TBC1D4: variants seen among roughly 807,000 people sequenced by gnomAD.
TBC1D4 encodes the protein TBC1 domain family member 4.
In TBC1D4, 121 loss-of-function variants were observed where a neutral mutation model predicts 142.5. That is an observed-to-expected ratio of 0.85 (90% CI 0.73 to 0.99). The LOEUF is 0.99. Ranked by LOEUF, TBC1D4 falls within the 50% of genes least tolerant of loss-of-function variation. The pLI is 0.00. For missense variants in TBC1D4, 1,475 were observed against 1,606.6 expected, an observed-to-expected ratio of 0.92 and a Z score of 1.40; for synonymous variants, 630 against 628.2, an observed-to-expected ratio of 1.00 and a Z score of -0.04.
intron 8 of TBC1D4, among the ~76,000 whole-genome samples, chr13:75,331,767 T>C (rs938489997): frequency 1.3e-5 from 2 of 151,746 alleles, no homozygotes; most frequent in African/African-American, 4.8e-5. Context: ...ATAAAATATT[T>C]TGATGTTTAA....
At position 75,312,874 on chromosome 13, in the gene TBC1D4, G is replaced by C. The variant is rs376258419; in HGVS notation, c.2247C>G (p.Thr749=). 3.0e-5 allele frequency: 49 copies of C among 1,614,064 alleles called. No homozygotes were observed. The African/African-American group carries it at 5.7e-4, about 19-fold the overall frequency. The part of the protein sequence containing the change: ...ESSDGEGRKR[T]SSTCSNESLS... ...GGGACTCATTGCTGCAGGTAGATGA[G>C]GTCCTTTTTCTCCCTTCTCCATCAC... Residue 749 remains threonine, a synonymous_variant, in exon 13 of 21, where the codon ACC becomes ACG. Transcript: ENST00000377636.
chr13:75,481,902 C>T lies in TBC1D4; in HGVS notation c.-135G>A, dbSNP rs1375113197. The T allele has an allele frequency of 7.8e-7, 1 of 1,276,020 alleles. No homozygotes were observed. Among genetic ancestry groups the T allele is most frequent in the Admixed American group, 3.8e-5 (1 of 26,120 alleles). The allele number at this position is 1,276,020 out of a possible 1,614,324, so 79.0% of individuals were successfully genotyped here. On this transcript the variant is annotated 5_prime_UTR_variant, in exon 1 of 21. Transcript: ENST00000377636. The stretch of plus-strand genomic sequence containing the variant: ...CGCCTGCCTGGGAGCGGCGCGACCC[C>T]GAACTCCGCGCTTCAGCAGCCCTGC...
At chr13:75,466,729 G>C (rs144953772) in intron 1 of TBC1D4, among the ~76,000 whole-genome samples, 1 of 151,762 alleles carries the variant, frequency 6.6e-6, no homozygotes, top group Non-Finnish European at 1.5e-5. Context: ...AAATTAGCTG[G>C]GCATGGTGGT....
chr13:75,372,462 G>T (rs1883271288), intron 1 of TBC1D4, among the ~76,000 whole-genome samples: 2 of 152,096 alleles, frequency 1.3e-5, no homozygotes, highest in Non-Finnish European at 2.9e-5. Context: ...TAGAAACAGA[G>T]TTTCATCATG....
intron 1 of TBC1D4, among the ~76,000 whole-genome samples, chr13:75,461,970 T>C (rs896168646): frequency 2.0e-5 from 3 of 152,224 alleles, no homozygotes; most frequent in South Asian, 4.1e-4. Flanking sequence ...CTTAAACCTC[T>C]TATTCCCAGT....
chr13:75,469,442 G>A (rs1888305111), intron 1 of TBC1D4, among the ~76,000 whole-genome samples: 1 of 152,022 alleles, frequency 6.6e-6, no homozygotes, highest in African/African-American at 2.4e-5. Flanking sequence ...AGATCCGGGT[G>A]GTGTCAGTGG....
chr13:75,288,862 T>C (rs770096048), intron 20 of TBC1D4, 72 bp downstream of exon 20: 19 of 1,511,352 alleles, frequency 1.3e-5, no homozygotes, highest in Non-Finnish European at 1.7e-5. Flanking sequence ...CATATCCCTT[T>C]CATTCCTGAG....
At chr13:75,288,838 G>A in intron 20 of TBC1D4, 96 bp downstream of exon 20, 1 of 1,311,294 alleles carries the variant, frequency 7.6e-7, no homozygotes, top group Non-Finnish European at 1.1e-6. Context: ...GTTAGCAATG[G>A]TTCATTCCAC....
chr13:75,368,958 C>T (rs1303175473), intron 1 of TBC1D4, among the ~76,000 whole-genome samples: 1 of 151,988 alleles, frequency 6.6e-6, no homozygotes, highest in Admixed American at 6.6e-5. Context: ...GCAGGAGAAC[C>T]GCTTGAGCCT....
intron 1 of TBC1D4, among the ~76,000 whole-genome samples, chr13:75,427,490 C>T (rs1424545820): frequency 6.6e-6 from 1 of 152,054 alleles, no homozygotes; most frequent in Admixed American, 6.6e-5. Context: ...TCAAGACCAG[C>T]CTGGCCAACA....
At chr13:75,408,055 C>T (rs1885425246) in intron 1 of TBC1D4, among the ~76,000 whole-genome samples, 1 of 152,104 alleles carries the variant, frequency 6.6e-6, no homozygotes, top group Admixed American at 6.6e-5. Context: ...GTGACCATCA[C>T]CATCATTTTC....
intron 7 of TBC1D4, among the ~76,000 whole-genome samples, chr13:75,337,847 G>A (rs1475617680): frequency 6.6e-6 from 1 of 152,148 alleles, no homozygotes; most frequent in Non-Finnish European, 1.5e-5. Context: ...ATCCTAAAGG[G>A]TGGATTGCTT....
intron 1 of TBC1D4, among the ~76,000 whole-genome samples, chr13:75,372,730 AT>A (rs1183437141): frequency 1.3e-5 from 2 of 152,348 alleles, no homozygotes; most frequent in African/African-American, 4.8e-5. Context: ...TTTATAAAAT[AT>A]TATTACTACT....
chr13:75,411,545 A>G (rs1885662123), intron 1 of TBC1D4, among the ~76,000 whole-genome samples: 1 of 152,104 alleles, frequency 6.6e-6, no homozygotes, highest in South Asian at 2.1e-4. Context: ...CTTTTTTTTG[A>G]GACAGAGTCT....
chr13:75,479,363 A>G (rs1451912781), intron 1 of TBC1D4, among the ~76,000 whole-genome samples: 1 of 152,090 alleles, frequency 6.6e-6, no homozygotes, highest in African/African-American at 2.4e-5. Context: ...AGAAAGTCAT[A>G]TGACTACCAC....
At chr13:75,384,595 G>T (rs1593823479) in intron 1 of TBC1D4, among the ~76,000 whole-genome samples, 1 of 133,176 alleles carries the variant, frequency 7.5e-6, no homozygotes, top group African/African-American at 2.8e-5. Flanking sequence ...AAAAAAAAAA[G>T]GTTGCCACCG....
Position 75,362,422 on chromosome 13 carries a change from C to A in TBC1D4, c.684G>T (p.Lys228Asn), listed in dbSNP as rs778006770. The change falls in exon 2 of 21, where the codon AAG becomes AAT. Residue 228 changes from lysine (K) to asparagine (N), a missense_variant. By Grantham distance (94) the Lys-to-Asn change is moderately conservative. This residue lies in a region of TBC1D4 where 1,227 missense variants were observed against 1,267.7 expected (regional missense o/e 0.97). Coordinates refer to ENST00000377636, the MANE Select transcript of TBC1D4 (RefSeq NM_014832.5). This position sits in a 1 kb window ranked among gnomAD's most constrained non-coding sequence, Gnocchi z 4.2. ...PSSLIDDCMEKFSLHEQQRLK... is the reference protein window; with the variant it reads ...PSSLIDDCMENFSLHEQQRLK... The stretch of plus-strand genomic sequence containing the variant: ...GGCGCTGCTGTTCGTGCAGGCTGAA[C>A]TTCTCCATGCAGTCATCGATGAGGC... The A allele has an allele frequency of 4.3e-6, 7 of 1,614,248 alleles. No individual in the cohort carries two copies. The highest frequency in any genetic ancestry group is 5.9e-6 in the Non-Finnish European group (7 of 1,180,042).
chr13:75,362,192 C>T lies in TBC1D4; in HGVS notation c.914G>A (p.Gly305Asp). Residue 305 changes from glycine (G) to aspartate (D), a missense_variant, in exon 2 of 21, where the codon GGC becomes GAC. Around this residue, in one of 2 missense-constraint regions of TBC1D4, gnomAD observed 1,227 missense variants for 1,267.7 expected, o/e 0.97. Transcript: ENST00000377636. This position sits in a 1 kb window ranked among gnomAD's most constrained non-coding sequence, Gnocchi z 4.2. ...CFPERILEDS[G>D]FDEQQEFRSR... ...CCGAAACTCCTGCTGCTCATCAAAG[C>T]CAGAATCTTCCAAAATCCGCTCAGG... 6.2e-7 allele frequency: 1 copy of T among 1,613,814 alleles called. No individual in the cohort carries two copies. Among genetic ancestry groups the T allele is most frequent in the Non-Finnish European group, 8.5e-7 (1 of 1,180,010 alleles).
chr13:75,402,652 TAAACACACACAC>T (rs1235129196), intron 1 of TBC1D4, among the ~76,000 whole-genome samples: 5 of 59,706 alleles, frequency 8.4e-5, no homozygotes, highest in African/African-American at 2.6e-4. Flanking sequence ...CCATCCCTAG[TAAACACACACAC>T]ACACACACAC....
Sources: allele counts gnomAD v4.1 joint callset (sites outside exome capture counted in the v4.1 genomes callset), GRCh38; gene constraint gnomAD v4.1.1; regional missense constraint gnomAD v4.1.1; non-coding constraint Gnocchi (gnomAD v3.1); transcripts MANE v1.5; gene names NCBI Gene and HGNC (gene_info 2026-07-23, HGNC 2026-07-21).